Variants in LDLRAD4 observed in about 807,000 individuals in gnomAD.
LDLRAD4 encodes the protein low-density lipoprotein receptor class A domain-containing protein 4.
A neutral mutation model predicts 17.0 loss-of-function variants in LDLRAD4; 5 were observed. The ratio of observed to expected loss-of-function variants is 0.29; its 90% CI spans 0.15 to 0.62. The LOEUF (loss-of-function observed/expected upper bound fraction) is 0.62. LDLRAD4 is among the 20% of genes least tolerant of loss of function. The probability of loss-of-function intolerance (pLI) is 0.84; values close to 1 mark genes in which losing one functional copy is unlikely to be tolerated. For missense variants in LDLRAD4, 340 were observed against 424.7 expected (o/e 0.80, Z 1.75); for synonymous variants, 168 against 171.8 (o/e 0.98, Z 0.17).
intron 3 of LDLRAD4, among the ~76,000 whole-genome samples, chr18:13,558,520 T>C (rs573843371): frequency 1.3e-5 from 2 of 152,354 alleles, no homozygotes; most frequent in African/African-American, 2.4e-5. Flanking sequence ...GCTATATCTA[T>C]GTAGCTGTAA....
At chr18:13,496,139 G>C (rs1240470889) in intron 3 of LDLRAD4, among the ~76,000 whole-genome samples, 1 of 152,220 alleles carries the variant, frequency 6.6e-6, no homozygotes, top group Non-Finnish European at 1.5e-5. Flanking sequence ...GAGGGCACAG[G>C]AGGAAGTGAG....
chr18:13,482,385 C>T lies in LDLRAD4; in HGVS notation c.181+44001C>T, dbSNP rs138929023. Among the ~76,000 whole-genome samples, 391 of 152,362 alleles carry T rather than the reference C, an allele frequency of 2.6e-3. 1 individual carries two copies. Among genetic ancestry groups the T allele is most frequent in the Non-Finnish European group, 4.6e-3 (314 of 68,038 alleles). On this transcript the variant is annotated intron_variant, in intron 3 of 5. Transcript: ENST00000359446. ...CCATGTGCTTATTCTGTGCAAACCC[C>T]ACCGTCCCACCTTCCCCACAGCTGA... is the stretch of plus-strand genomic sequence containing the variant.
At position 13,601,647 on chromosome 18, in the gene LDLRAD4, C is replaced by T. The variant is rs185474395; in HGVS notation, c.182-19470C>T. On this transcript the variant is annotated intron_variant, in intron 3 of 5. Transcript: ENST00000359446. ...CCAGCCTGGGCGACAGAGTGAGACT[C>T]TGTCTGAAAAAAAAAAAAAGAAAAA... 3.2e-5 allele frequency among the ~76,000 whole-genome samples: 4 copies of T among 125,936 alleles called. No individual in the cohort carries two copies. In the East Asian group the frequency reaches 7.5e-4, roughly 23 times the overall value. 82.6% of individuals were successfully genotyped at this position (125,936 alleles called of 152,430 possible).
At chr18:13,290,109 G>A (rs1392149879) in intron 1 of LDLRAD4, among the ~76,000 whole-genome samples, 5 of 152,192 alleles carry the variant, frequency 3.3e-5, no homozygotes, top group African/African-American at 1.2e-4. Flanking sequence ...AGCCGGCAGG[G>A]CCTGGGTAGT....
In LDLRAD4 at chr18:13,332,745, T is replaced by G. The variant is rs202208378; in HGVS notation, c.-383+54557T>G. On this transcript the variant is annotated intron_variant, in intron 1 of 5. Coordinates refer to ENST00000359446, the Ensembl canonical transcript of LDLRAD4. ...GTGGCTTGATAGCTCATTTTTTTTG[T>G]TTTTTTTTTTTGGTGGTGAATAACA... Among the ~76,000 whole-genome samples, 9 of 51,682 alleles carry G rather than the reference T, an allele frequency of 1.7e-4. No homozygotes were observed. In the East Asian group the frequency reaches 4.4e-3, roughly 25 times the overall value. 33.9% of individuals were successfully genotyped at this position (51,682 alleles called of 152,430 possible). A position where few individuals can be genotyped will look rare whatever the true frequency, so the allele number is the denominator to read the frequency against.
At chr18:13,521,010 G>C (rs748093719) in intron 3 of LDLRAD4, 2 of 152,226 alleles carry the variant, frequency 1.3e-5, no homozygotes, top group Non-Finnish European at 2.9e-5. Flanking sequence ...CTCGCCATTG[G>C]AGGTAGCCTA....
intron 1 of LDLRAD4, among the ~76,000 whole-genome samples, chr18:13,233,806 C>T (rs547860998): frequency 1.5e-3 from 226 of 152,222 alleles, no homozygotes; most frequent in Non-Finnish European, 1.5e-3. Context: ...CCTACACCTA[C>T]CTGCCTACCG....
At position 13,620,909 on chromosome 18, in the gene LDLRAD4, C is replaced by T. The variant is rs570996180; in HGVS notation, c.182-208C>T. The T allele has an allele frequency of 1.4e-4, 92 of 652,874 alleles. 1 individual carries two copies. The East Asian group carries it at 2.3e-3, about 16-fold the overall frequency. 40.4% of individuals were successfully genotyped at this position (652,874 alleles called of 1,614,324 possible). ...GGGGGATGGCAGAGGCTTCCCGCTC[C>T]CCGCAGCTGGTTTGCACAGCCTCCC... On this transcript the variant is annotated intron_variant, in intron 3 of 5. Transcript: ENST00000359446.
At chr18:13,220,816 G>C (rs1243520390) in intron 1 of LDLRAD4, among the ~76,000 whole-genome samples, 1 of 152,190 alleles carries the variant, frequency 6.6e-6, no homozygotes, top group Non-Finnish European at 1.5e-5. Flanking sequence ...GGGAAGCACA[G>C]TCAGAGGAGA....
At chr18:13,414,150 A>G (rs2088645131) in intron 2 of LDLRAD4, among the ~76,000 whole-genome samples, 1 of 152,212 alleles carries the variant, frequency 6.6e-6, no homozygotes, top group Admixed American at 6.5e-5. Flanking sequence ...TGAAATCCAG[A>G]GATGAACATC....
chr18:13,274,644 G>T (rs145215630), upstream of LDLRAD4, among the ~76,000 whole-genome samples: 1,165 of 152,300 alleles, frequency 7.6e-3, 12 homozygotes, highest in African/African-American at 0.026. Context: ...GATTTCAGGG[G>T]AGTGTGACAG....
intron 4 of LDLRAD4, among the ~76,000 whole-genome samples, chr18:13,639,575 G>A (rs771711227): frequency 3.3e-5 from 5 of 152,200 alleles, no homozygotes; most frequent in South Asian, 4.1e-4. Flanking sequence ...TTGGGATTCA[G>A]CCTTTCTAGA....
intron 1 of LDLRAD4, among the ~76,000 whole-genome samples, chr18:13,332,505 G>A (rs1009966709): frequency 6.6e-6 from 1 of 152,126 alleles, no homozygotes; most frequent in Non-Finnish European, 1.5e-5. Flanking sequence ...TTCACCATCA[G>A]AGTATCATAT....
At chr18:13,521,467 T>C (rs894329949) in intron 3 of LDLRAD4, 2 of 152,170 alleles carry the variant, frequency 1.3e-5, no homozygotes. Context: ...GAGTTGAAAG[T>C]ATGACAGATT....
chr18:13,612,414 T>G lies in LDLRAD4; in HGVS notation c.182-8703T>G, dbSNP rs552280644. 9.7e-6 allele frequency: 12 copies of G among 1,234,216 alleles called. No homozygotes were observed. In the South Asian group the frequency reaches 2.7e-4, roughly 28 times the overall value. The allele number at this position is 1,234,216 out of a possible 1,614,324, so 76.5% of individuals were successfully genotyped here. A position where few individuals can be genotyped will look rare whatever the true frequency, so the allele number is the denominator to read the frequency against. ...GGCCGGCTTCCTGCCGCAGAGCTCC[T>G]GGTTTCTGTTGATGGCAGTTGATAA... On this transcript the variant is annotated intron_variant, in intron 3 of 5. Transcript: ENST00000359446.
chr18:13,639,963 G>T (rs2042385385), intron 4 of LDLRAD4, among the ~76,000 whole-genome samples: 1 of 152,148 alleles, frequency 6.6e-6, no homozygotes, highest in African/African-American at 2.4e-5. Context: ...TTTAATATAT[G>T]CAAATGAACA....
chr18:13,477,909 G>C (rs1409791260), intron 3 of LDLRAD4, among the ~76,000 whole-genome samples: 2 of 152,188 alleles, frequency 1.3e-5, no homozygotes, highest in African/African-American at 4.8e-5. Flanking sequence ...GAAACTGGCG[G>C]CTTTTCCGTG....
Position 13,286,925 on chromosome 18 carries a change from A to C in LDLRAD4, c.-383+8737A>C, listed in dbSNP as rs139565262. 2.5e-4 allele frequency among the ~76,000 whole-genome samples: 38 copies of C among 152,208 alleles called. No individual in the cohort carries two copies. In the East Asian group the frequency reaches 7.0e-3, roughly 28 times the overall value. On this transcript the variant is annotated intron_variant, in intron 1 of 5. Coordinates refer to ENST00000359446, the Ensembl canonical transcript of LDLRAD4. ...GGGGCAGAAGGTGGATTGCAGAGTG[A>C]CTTTTGGGCTTCAGTCTTGGGTAAA...
chr18:13,321,592 G>T (rs1387635491), intron 1 of LDLRAD4, among the ~76,000 whole-genome samples: 2 of 152,064 alleles, frequency 1.3e-5, no homozygotes, highest in Non-Finnish European at 2.9e-5. Flanking sequence ...AAGGCTGGGC[G>T]TGGTGACTCA....
Sources: gnomAD v4.1 joint callset for allele counts (sites outside exome capture counted in the v4.1 genomes callset) on GRCh38, gnomAD v4.1.1 for gene constraint, MANE v1.5 for transcripts, NCBI Gene and HGNC (gene_info 2026-07-23, HGNC 2026-07-21) for gene names.